Variants in CCL17 observed in about 807,000 individuals in gnomAD.
The protein encoded by CCL17 is C-C motif chemokine 17.
Under a neutral mutation model 7.4 loss-of-function variants are expected in CCL17, and 8 were observed. The observed-to-expected ratio is 1.09, with a 90% CI of 0.64 to 1.96. The LOEUF (loss-of-function observed/expected upper bound fraction) is 1.96, where lower values mean the gene tolerates loss of function less well. Ranked by LOEUF, CCL17 falls within the 30% of genes most tolerant of loss-of-function variation. CCL17 has a pLI of 0.00. For synonymous variants in CCL17, 40 were observed against 46.1 expected (o/e 0.87, Z 0.54); for missense variants, 102 against 113.0 (o/e 0.90, Z 0.44).
chr16:57,409,210 G>T (rs1902746578), intron 1 of CCL17, among the ~76,000 whole-genome samples: 1 of 152,208 alleles, frequency 6.6e-6, no homozygotes, highest in Non-Finnish European at 1.5e-5. Flanking sequence ...AAGGAGTAAG[G>T]GTTCAAGCTG....
chr16:57,403,653 TA>T (rs1286938907), upstream of CCL17, among the ~76,000 whole-genome samples: 1 of 88,058 alleles, frequency 1.1e-5, no homozygotes, highest in Non-Finnish European at 2.1e-5. Context: ...ATATATATAA[TA>T]TATATATATA....
upstream of CCL17, among the ~76,000 whole-genome samples, chr16:57,399,945 C>T (rs1281872222): frequency 2.0e-5 from 3 of 152,156 alleles, no homozygotes; most frequent in Non-Finnish European, 4.4e-5. Flanking sequence ...CAAGTATTGC[C>T]AAGGAAGACT....
chr16:57,403,393 A>C (rs1441339768), upstream of CCL17, among the ~76,000 whole-genome samples: 5 of 20,606 alleles, frequency 2.4e-4, no homozygotes, highest in Non-Finnish European at 2.7e-4. Flanking sequence ...ATTATATATA[A>C]TATATATATT....
Position 57,415,632 on chromosome 16 carries a change from C to A in CCL17, c.189-133C>A. 1.5e-6 allele frequency: 1 copy of A among 650,232 alleles called. No homozygotes were observed. Among genetic ancestry groups the A allele is most frequent in the South Asian group, 1.7e-5 (1 of 57,780 alleles). The allele number at this position is 650,232 out of a possible 1,614,324, so 40.3% of individuals were successfully genotyped here. Reference sequence around the variant, plus strand: ...TGAAGTCCCAGATCTGCCACCAATGCCCTGTGTGACAGCAGCAACTTCCTG... The same window carrying A: ...TGAAGTCCCAGATCTGCCACCAATGACCTGTGTGACAGCAGCAACTTCCTG... On this transcript the variant is annotated intron_variant, in intron 3 of 3. Coordinates refer to ENST00000219244, the MANE Select transcript of CCL17 (RefSeq NM_002987.3). The surrounding 1 kb of genome is among the most constrained non-coding windows in gnomAD (Gnocchi z 4.5).
chr16:57,403,923 C>T (rs223893), upstream of CCL17, among the ~76,000 whole-genome samples: 26,817 of 151,412 alleles, frequency 0.18, 4,412 homozygotes, highest in African/African-American at 0.44. Flanking sequence ...TCCCAAAGTG[C>T]TGGGATTACA....
Position 57,415,930 on chromosome 16 carries a change from G to GC in CCL17, c.*74dup, listed in dbSNP as rs1405334077. ...GGGACCTCCACCGTTGGTGTTCACC[G>GC]CCCCCACCCTGAGCGCCTGGGTCCA... On this transcript the variant is annotated 3_prime_UTR_variant, in exon 4 of 4. Coordinates refer to ENST00000219244, the MANE Select transcript of CCL17 (RefSeq NM_002987.3). The surrounding 1 kb of genome is among the most constrained non-coding windows in gnomAD (Gnocchi z 4.5). 9.5e-7 allele frequency: 1 copy of GC among 1,051,640 alleles called. No homozygotes were observed. 65.1% of individuals were successfully genotyped at this position (1,051,640 alleles called of 1,614,324 possible).
At chr16:57,408,266 G>A (rs1902729366) in intron 1 of CCL17, among the ~76,000 whole-genome samples, 1 of 149,848 alleles carries the variant, frequency 6.7e-6, no homozygotes, top group South Asian at 2.1e-4. Flanking sequence ...CCACCTTCCA[G>A]CCACTCATCC....
At chr16:57,402,351 G>T (rs977511392), upstream of CCL17, among the ~76,000 whole-genome samples, 1 of 152,212 alleles carries the variant, frequency 6.6e-6, no homozygotes, top group Non-Finnish European at 1.5e-5. Flanking sequence ...GATCCACCAG[G>T]CTCCTTGGAA....
In CCL17 at chr16:57,415,885, A is replaced by G; in HGVS notation, c.*24A>G. The G allele has an allele frequency of 1.4e-6, 2 of 1,478,800 alleles. No individual in the cohort carries two copies. The highest frequency in any genetic ancestry group is 1.9e-6 in the Non-Finnish European group (2 of 1,056,680). The allele number at this position is 1,478,800 out of a possible 1,614,324, so 91.6% of individuals were successfully genotyped here. On this transcript the variant is annotated 3_prime_UTR_variant, in exon 4 of 4. Coordinates refer to ENST00000219244, the MANE Select transcript of CCL17 (RefSeq NM_002987.3). This position sits in a 1 kb window ranked among gnomAD's most constrained non-coding sequence, Gnocchi z 4.5. ...GAAGCCTCCTCACCCCAGACTCCTGACTGTCTCCCGGGACTACCTGGGACC... is the reference window on the plus strand; with the variant it reads ...GAAGCCTCCTCACCCCAGACTCCTGGCTGTCTCCCGGGACTACCTGGGACC...
At chr16:57,407,793 T>C (rs1902719387) in intron 1 of CCL17, among the ~76,000 whole-genome samples, 1 of 150,326 alleles carries the variant, frequency 6.7e-6, no homozygotes, top group African/African-American at 2.5e-5. Flanking sequence ...TCCATTCATG[T>C]ATCCATCCAT....
the CCL17 span, among the ~76,000 whole-genome samples, chr16:57,398,287 A>G: frequency 3.3e-5 from 5 of 152,172 alleles, no homozygotes; most frequent in Non-Finnish European, 7.3e-5. Flanking sequence ...TAGCTACTAC[A>G]TCAATTTCCT....
At chr16:57,409,141 A>C (rs1339330581) in intron 1 of CCL17, among the ~76,000 whole-genome samples, 1 of 152,368 alleles carries the variant, frequency 6.6e-6, no homozygotes, top group East Asian at 1.9e-4. Context: ...CAATCACAAT[A>C]CAATATGAAG....
At chr16:57,409,608 G>A (rs1902752830) in intron 1 of CCL17, among the ~76,000 whole-genome samples, 1 of 152,252 alleles carries the variant, frequency 6.6e-6, no homozygotes, top group South Asian at 2.1e-4. Flanking sequence ...GAGAGATGGA[G>A]GAGGAGAAGG....
In CCL17 at chr16:57,414,038, C is replaced by G. The variant is rs368721179; in HGVS notation, c.70+36C>G. The G allele has an allele frequency of 4.4e-6, 7 of 1,578,858 alleles. No homozygotes were observed. In the African/African-American group the frequency reaches 9.4e-5, roughly 21 times the overall value. Reference sequence around the variant, plus strand: ...GGGACAGGTGGCCAGGGGCAGGCACCGGGAGGACAGGGGTTGGGGGCATGA... The same window carrying G: ...GGGACAGGTGGCCAGGGGCAGGCACGGGGAGGACAGGGGTTGGGGGCATGA... On this transcript the variant is annotated intron_variant, in intron 2 of 3. Coordinates refer to ENST00000219244, the MANE Select transcript of CCL17 (RefSeq NM_002987.3).
chr16:57,405,772 G>A (rs570295826), intron 1 of CCL17, among the ~76,000 whole-genome samples: 75 of 152,030 alleles, frequency 4.9e-4, no homozygotes, highest in African/African-American at 1.8e-3. Flanking sequence ...GGTGGCTCAC[G>A]CCTGTAATCC....
intron 2 of CCL17, 93 bp from the exon 3 acceptor site, chr16:57,414,988 C>A: frequency 1.3e-6 from 1 of 788,656 alleles, no homozygotes; most frequent in Non-Finnish European, 2.3e-6. Flanking sequence ...CATGGACACG[C>A]ACATGCAGAT....
intron 1 of CCL17, among the ~76,000 whole-genome samples, chr16:57,409,112 G>A (rs1375913184): frequency 6.6e-6 from 1 of 152,200 alleles, no homozygotes; most frequent in African/African-American, 2.4e-5. Flanking sequence ...TTTTGTGTGA[G>A]TCCCAACAAA....
the CCL17 span, among the ~76,000 whole-genome samples, chr16:57,398,455 G>T: frequency 6.6e-6 from 1 of 152,174 alleles, no homozygotes; most frequent in African/African-American, 2.4e-5. Context: ...AGGTTTTGAA[G>T]GCTGTTTCTG....
At chr16:57,402,031 G>A (rs1902600859), upstream of CCL17, among the ~76,000 whole-genome samples, 1 of 152,230 alleles carries the variant, frequency 6.6e-6, no homozygotes, top group South Asian at 2.1e-4. Flanking sequence ...AAGGAAGGGG[G>A]ACCCTATTGT....
Sources: allele counts gnomAD v4.1 joint callset (sites outside exome capture counted in the v4.1 genomes callset), GRCh38; gene constraint gnomAD v4.1.1; non-coding constraint Gnocchi (gnomAD v3.1); transcripts MANE v1.5; gene names NCBI Gene and HGNC (gene_info 2026-07-23, HGNC 2026-07-21).